The following PKP4 variants were observed in gnomAD, a reference collection of about 807,000 sequenced individuals.
PKP4 encodes plakophilin 4, also known as plakophilin-4.
A neutral mutation model predicts 145.1 loss-of-function variants in PKP4; 90 were observed. The observed-to-expected ratio is 0.62, with a 90% CI of 0.52 to 0.74. The LOEUF (loss-of-function observed/expected upper bound fraction) is 0.74, where lower values mean the gene tolerates loss of function less well. Ranked by LOEUF, PKP4 falls within the 30% of genes least tolerant of loss-of-function variation. The probability of loss-of-function intolerance (pLI) is 0.00; values close to 1 mark genes in which losing one functional copy is unlikely to be tolerated. For missense variants in PKP4, 1,340 were observed against 1,482.7 expected (o/e 0.90, Z 1.58); for synonymous variants, 563 against 577.2 (o/e 0.98, Z 0.35).
At chr2:158,526,363 A>G (rs1346139317) in intron 1 of PKP4, among the ~76,000 whole-genome samples, 1 of 113,068 alleles carries the variant, frequency 8.8e-6, no homozygotes, top group African/African-American at 3.4e-5. Flanking sequence ...CCAGCATATA[A>G]ACAGAGCCAA....
At chr2:158,608,083 A>C (rs2050801362) in intron 4 of PKP4, among the ~76,000 whole-genome samples, 1 of 152,226 alleles carries the variant, frequency 6.6e-6, no homozygotes, top group South Asian at 2.1e-4. Flanking sequence ...GCAAAGGATA[A>C]ATGCTTAAGG....
At chr2:158,584,467 G>A (rs1214851965) in intron 3 of PKP4, among the ~76,000 whole-genome samples, 1 of 152,170 alleles carries the variant, frequency 6.6e-6, no homozygotes, top group African/African-American at 2.4e-5. Context: ...TGTACGATCT[G>A]TGTTCACATT....
rs1365742536 is a variant in PKP4, at chr2:158,631,864, G to T, written c.1265G>T (p.Ser422Ile). 3 of 1,614,020 alleles carry T rather than the reference G, an allele frequency of 1.9e-6. No individual in the cohort carries two copies. The highest frequency in any genetic ancestry group is 2.5e-6 in the Non-Finnish European group (3 of 1,180,006). ...TPIYEGRTYY[S>I]PVYRSPNHGT... ...ATATATGAGGGGAGGACCTATTACA[G>T]CCCAGTGTACCGCAGCCCAAACCAT... The change falls in exon 8 of 22, where the codon AGC becomes ATC. Residue 422 changes from serine (S) to isoleucine (I), a missense_variant. Coordinates refer to ENST00000389759, the MANE Select transcript of PKP4 (RefSeq NM_003628.6).
intron 2 of PKP4, among the ~76,000 whole-genome samples, chr2:158,563,133 A>T (rs988141170): frequency 1.3e-5 from 2 of 152,162 alleles, no homozygotes; most frequent in African/African-American, 4.8e-5. Flanking sequence ...CATGCCCTTC[A>T]TGAAAATTAA....
chr2:158,550,470 C>A (rs569990581), intron 2 of PKP4, among the ~76,000 whole-genome samples: 1 of 152,284 alleles, frequency 6.6e-6, no homozygotes, highest in East Asian at 1.9e-4. Flanking sequence ...AGTTTTCAAA[C>A]GGTGGTTGTG....
intron 15 of PKP4, among the ~76,000 whole-genome samples, chr2:158,665,529 C>CA (rs2105990480): frequency 6.6e-6 from 1 of 152,042 alleles, no homozygotes; most frequent in South Asian, 2.1e-4. Context: ...GTCTTGGTCA[C>CA]AGCAGGAAAG....
intron 11 of PKP4, among the ~76,000 whole-genome samples, chr2:158,656,138 A>G (rs2528585): frequency 0.69 from 105,344 of 152,090 alleles, 38,573 homozygotes; most frequent in East Asian, 0.92. Context: ...GAGTCAATTG[A>G]GGTGGGGATC....
chr2:158,495,367 A>T (rs1325288742), intron 1 of PKP4, among the ~76,000 whole-genome samples: 1 of 107,446 alleles, frequency 9.3e-6, no homozygotes, highest in South Asian at 3.4e-4. Context: ...AAAAAAAAAC[A>T]ACAAAGCCCA....
intron 1 of PKP4, among the ~76,000 whole-genome samples, chr2:158,505,325 A>G (rs1437156331): frequency 1.3e-5 from 2 of 152,182 alleles, no homozygotes; most frequent in African/African-American, 4.8e-5. Flanking sequence ...TGGGTAGCCT[A>G]GAAGTGATCA....
chr2:158,502,057 T>C (rs1574137437), intron 1 of PKP4, among the ~76,000 whole-genome samples: 1 of 152,310 alleles, frequency 6.6e-6, no homozygotes. Flanking sequence ...GAAGCTCTTA[T>C]CTAAGTAAAA....
chr2:158,500,579 T>C (rs1696402824), intron 1 of PKP4, among the ~76,000 whole-genome samples: 1 of 152,232 alleles, frequency 6.6e-6, no homozygotes, highest in South Asian at 2.1e-4. Context: ...CAATGGCCTC[T>C]ATTTTTCTTC....
chr2:158,475,799 C>A (rs1374857771), intron 1 of PKP4, among the ~76,000 whole-genome samples: 1 of 152,196 alleles, frequency 6.6e-6, no homozygotes, highest in Non-Finnish European at 1.5e-5. Context: ...CCCTATCTCC[C>A]ATATCCACCT....
At chr2:158,650,065 T>G (rs1208102889) in intron 11 of PKP4, among the ~76,000 whole-genome samples, 2 of 152,234 alleles carry the variant, frequency 1.3e-5, no homozygotes, top group Non-Finnish European at 1.5e-5. Context: ...TGTGACAGTA[T>G]AAATGACCTA....
intron 1 of PKP4, among the ~76,000 whole-genome samples, chr2:158,519,337 G>C (rs547335134): frequency 6.6e-6 from 1 of 152,214 alleles, no homozygotes; most frequent in African/African-American, 2.4e-5. Context: ...AAGGATATTA[G>C]TTCTACCTGT....
chr2:158,619,250 C>A (rs1371293499), intron 4 of PKP4, among the ~76,000 whole-genome samples: 1 of 152,216 alleles, frequency 6.6e-6, no homozygotes, highest in Non-Finnish European at 1.5e-5. Context: ...AGAGCACTTT[C>A]TGGTATTGTC....
At chr2:158,603,028 AAAAT>A (rs746948056) in intron 3 of PKP4, 38 bp from the exon 4 acceptor site, 6 of 1,290,096 alleles carry the variant, frequency 4.7e-6, no homozygotes, top group East Asian at 2.5e-5. Context: ...ATTTTATGAC[AAAAT>A]AAATAAATGT....
chr2:158,545,213 T>C (rs576700109), intron 2 of PKP4, among the ~76,000 whole-genome samples: 57 of 151,628 alleles, frequency 3.8e-4, no homozygotes, highest in Non-Finnish European at 6.5e-4. Flanking sequence ...CCAGGCATTC[T>C]GGGCCTTCAC....
At chr2:158,520,547 T>A (rs2042283871) in intron 1 of PKP4, among the ~76,000 whole-genome samples, 1 of 152,246 alleles carries the variant, frequency 6.6e-6, no homozygotes, top group African/African-American at 2.4e-5. Context: ...ATCATGTTTA[T>A]TCCGCTATAT....
intron 19 of PKP4, among the ~76,000 whole-genome samples, chr2:158,676,410 T>C (rs2058013451): frequency 6.6e-6 from 1 of 152,224 alleles, no homozygotes; most frequent in South Asian, 2.1e-4. Context: ...TTCAAACGCC[T>C]AGTCAAGACA....
Sources: gnomAD v4.1 joint callset for allele counts (sites outside exome capture counted in the v4.1 genomes callset) on GRCh38, gnomAD v4.1.1 for gene constraint, MANE v1.5 for transcripts, NCBI Gene and HGNC (gene_info 2026-07-23, HGNC 2026-07-21) for gene names.